Variants in RBBP6 observed in about 807,000 individuals in gnomAD.
The protein encoded by RBBP6 is E3 ubiquitin-protein ligase RBBP6.
In RBBP6, 25 loss-of-function variants were observed where a neutral mutation model predicts 167.7. The ratio of observed to expected loss-of-function variants is 0.15; its 90% CI spans 0.11 to 0.21. The LOEUF is 0.21. RBBP6 is among the 10% of genes least tolerant of loss of function. RBBP6 has a pLI of 1.00. For synonymous variants in RBBP6, 789 were observed against 735.8 expected, an observed-to-expected ratio of 1.07 and a Z score of -1.17; for missense variants, 1,868 against 2,134.2, an observed-to-expected ratio of 0.88 and a Z score of 2.46.
chr16:24,548,439 T>C (rs1426531769), intron 2 of RBBP6, among the ~76,000 whole-genome samples: 1 of 152,050 alleles, frequency 6.6e-6, no homozygotes, highest in African/African-American at 2.4e-5. Context: ...TGATTGTTGT[T>C]TTGAGACATT....
Position 24,559,652 on chromosome 16 carries a change from C to A in RBBP6, c.822C>A (p.Cys274Ter). ...DIMTDAVVIPCCGNSYCDECI... is the reference protein window; with the variant it reads ...DIMTDAVVIP ...TGACTGATGCTGTTGTGATTCCCTG[C>A]TGTGGAAACAGTTACTGTGATGAAT... is the stretch of plus-strand genomic sequence containing the variant. The change falls in exon 8 of 18, where the codon TGC becomes TGA. Residue 274 changes from cysteine (C) to a stop codon, truncating the protein, a stop_gained. Coordinates refer to ENST00000319715, the MANE Select transcript of RBBP6 (RefSeq NM_006910.5). LOFTEE classifies it high-confidence loss of function. 6.4e-7 allele frequency: 1 copy of A among 1,568,956 alleles called. No homozygotes were observed. Among genetic ancestry groups the A allele is most frequent in the Non-Finnish European group, 8.7e-7 (1 of 1,154,728 alleles).
chr16:24,572,144 A>C lies in RBBP6; in HGVS notation c.5078A>C (p.His1693Pro). ...VQVGISRNQSHSSPSVSPSRS... is the reference protein window; with the variant it reads ...VQVGISRNQSPSSPSVSPSRS... The stretch of plus-strand genomic sequence containing the variant: ...GTGGGCATAAGCAGGAATCAGAGCC[A>C]CAGCAGCCCCAGCGTCAGCCCCAGC... The change falls in exon 18 of 18, where the codon CAC (histidine) becomes CCC (proline). Residue 1693 changes from histidine to proline, a missense_variant. Coordinates refer to ENST00000319715, the MANE Select transcript of RBBP6 (RefSeq NM_006910.5). 1.9e-6 allele frequency: 3 copies of C among 1,614,166 alleles called. No individual in the cohort carries two copies. The highest frequency in any genetic ancestry group is 2.5e-6 in the Non-Finnish European group (3 of 1,180,028).
At chr16:24,552,982 C>T (rs1255708737) in intron 3 of RBBP6, 1 of 151,816 alleles carries the variant, frequency 6.6e-6, no homozygotes, top group Non-Finnish European at 1.5e-5. Context: ...TGACAAGAAG[C>T]TATTACTCTT....
rs115290176 is a variant in RBBP6, at chr16:24,565,621, C to G, written c.1589+756C>G. ...CACGCTTCTTAGGAGAATCTAATGC[C>G]TGATCATCTAAGGTGGAACAGTTTT... On this transcript the variant is annotated intron_variant, in intron 14 of 17. Transcript: ENST00000319715. Among the ~76,000 whole-genome samples the G allele has an allele frequency of 9.0e-3, 1,370 of 152,308 alleles. 22 individuals carry two copies. The highest frequency in any genetic ancestry group is 0.031 in the African/African-American group (1,304 of 41,562).
Position 24,569,219 on chromosome 16 carries a change from A to C in RBBP6, c.2529A>C (p.Lys843Asn), listed in dbSNP as rs1259888861. 1 of 1,613,798 alleles carries C rather than the reference A, an allele frequency of 6.2e-7. No homozygotes were observed. The highest frequency in any genetic ancestry group is 1.7e-5 in the Admixed American group (1 of 59,918). ...GAGAGTGGTATGAAAAATATTATAA[A>C]GGTTATGCTGCTGGAGCACAGCCTA... ...KYREWYEKYY[K>N]GYAAGAQPRP... The change falls in exon 17 of 18, where the codon AAA (lysine) becomes AAC (asparagine). Residue 843 changes from lysine to asparagine, a missense_variant. This residue lies in a region of RBBP6 where 673 missense variants were observed against 691.5 expected (regional missense o/e 0.97). Transcript: ENST00000319715.
rs761420212 is a variant in RBBP6 at position 24,563,434 on chromosome 16, G to A, written c.1398G>A (p.Val466=). The A allele has an allele frequency of 1.5e-5, 24 of 1,606,638 alleles. No individual in the cohort carries two copies. The highest frequency in any genetic ancestry group is 2.0e-5 in the Non-Finnish European group (24 of 1,178,322). The change falls in exon 12 of 18, where the codon GTG becomes GTA. Residue 466 remains valine, a synonymous_variant. Transcript: ENST00000319715. The part of the protein sequence containing the change: ...TALMEEKGYQ[V]PVLGTPSLLG... The stretch of plus-strand genomic sequence containing the variant: ...GGTTGTTTCTAAAGGGTTACCAGGT[G>A]CCTGTTCTTGGAACCCCATCTTTGC...
In RBBP6 at chr16:24,571,482, CAAAA is replaced by C; in HGVS notation, c.4420_4423del (p.Lys1474LeufsTer20). 1 of 1,611,078 alleles carries C rather than the reference CAAAA, an allele frequency of 6.2e-7. No individual in the cohort carries two copies. The highest frequency in any genetic ancestry group is 8.5e-7 in the Non-Finnish European group (1 of 1,179,338). ...ATAAAGACTTCACTCCCAATAGAGA[CAAAA>C]AAACTGACTATGACACCAGAGAGTA... On this transcript the variant is annotated frameshift_variant, in exon 18 of 18. Transcript: ENST00000319715. LOFTEE classifies it high-confidence loss of function.
In RBBP6 at chr16:24,570,327, A is replaced by C; in HGVS notation, c.3637A>C (p.Arg1213=). 6.2e-7 allele frequency: 1 copy of C among 1,611,930 alleles called. No individual in the cohort carries two copies. The highest frequency in any genetic ancestry group is 1.1e-5 in the South Asian group (1 of 90,350). Residue 1213 remains arginine (R), a synonymous_variant, in exon 17 of 18, where the codon AGA becomes CGA. Transcript: ENST00000319715. ...SAPAKKIKLN[R]ETGKKIGSTE... ...GCCAGCCAAAAAAATCAAACTCAAC[A>C]GAGAAACTGGGAAGAAAATTGGAAG...
In RBBP6 at chr16:24,546,383, C is replaced by G. The variant is rs1898651135; in HGVS notation, c.266+121C>G. 4 of 1,168,294 alleles carry G rather than the reference C, an allele frequency of 3.4e-6. No individual in the cohort carries two copies. The African/African-American group carries it at 4.8e-5, about 14-fold the overall frequency. The allele number at this position is 1,168,294 out of a possible 1,614,324, so 72.4% of individuals were successfully genotyped here. ...TTTAACCTTAATGAATACATCTTCT[C>G]AAGACTGTGAGGATAGTAGGTTTCT... On this transcript the variant is annotated intron_variant, in intron 2 of 17. Coordinates refer to ENST00000319715, the MANE Select transcript of RBBP6 (RefSeq NM_006910.5).
chr16:24,561,950 T>C lies in RBBP6; in HGVS notation c.1078T>C (p.Ser360Pro), dbSNP rs897398190. The C allele has an allele frequency of 1.9e-6, 3 of 1,613,492 alleles. No individual in the cohort carries two copies. The highest frequency in any genetic ancestry group is 2.5e-6 in the Non-Finnish European group (3 of 1,179,682). Reference sequence around the variant, plus strand: ...GAGGAACCTACAACCTCTGATGAGATCTCCGATATCAAGACAACAAGATCC... The same window carrying C: ...GAGGAACCTACAACCTCTGATGAGACCTCCGATATCAAGACAACAAGATCC... ...IQRNLQPLMRSPISRQQDPLM... is the reference protein window; with the variant it reads ...IQRNLQPLMRPPISRQQDPLM... The change falls in exon 10 of 18, where the codon TCT becomes CCT. Residue 360 changes from serine (S) to proline (P), a missense_variant. By Grantham distance (74) the Ser-to-Pro change is moderately conservative. Around this residue, in one of 7 missense-constraint regions of RBBP6, gnomAD observed 245 missense variants for 240.1 expected, o/e 1.02. Coordinates refer to ENST00000319715, the MANE Select transcript of RBBP6 (RefSeq NM_006910.5).
At position 24,540,337 on chromosome 16, in the gene RBBP6, G is replaced by T; in HGVS notation, c.-290G>T. The T allele has an allele frequency of 3.4e-6, 1 of 296,428 alleles. No individual in the cohort carries two copies. The highest frequency in any genetic ancestry group is 6.4e-6 in the Non-Finnish European group (1 of 156,558). 18.4% of individuals were successfully genotyped at this position (296,428 alleles called of 1,614,324 possible). On this transcript the variant is annotated 5_prime_UTR_variant, in exon 1 of 18. Transcript: ENST00000319715. ...CTGCCGGCCCCTTAGCATGAGCGAGGGGGACCCAGCCGGGTGACATTGTGC... is the reference window on the plus strand; with the variant it reads ...CTGCCGGCCCCTTAGCATGAGCGAGTGGGACCCAGCCGGGTGACATTGTGC...
intron 1 of RBBP6, among the ~76,000 whole-genome samples, chr16:24,544,616 G>C (rs1033901586): frequency 6.6e-6 from 1 of 152,298 alleles, no homozygotes; most frequent in East Asian, 1.9e-4. Context: ...AGGCCTGGTT[G>C]TGTGATTAAA....
At chr16:24,558,376 C>CT (rs1239952326) in intron 7 of RBBP6, 5 of 698,392 alleles carry the variant, frequency 7.2e-6, no homozygotes, top group Non-Finnish European at 8.8e-6. Flanking sequence ...CTGTTCTCCT[C>CT]TTTTTTTCTT....
Position 24,570,247 on chromosome 16 carries a change from C to A in RBBP6, c.3557C>A (p.Pro1186His), listed in dbSNP as rs1038071719. The A allele has an allele frequency of 5.0e-6, 8 of 1,612,566 alleles. No individual in the cohort carries two copies. Among genetic ancestry groups the A allele is most frequent in the Non-Finnish European group, 6.8e-6 (8 of 1,179,754 alleles). ...VKPSPKRKME[P>H]DTEKMDRTPE... ...CCATCACCAAAGCGCAAAATGGAAC[C>A]TGATACTGAAAAAATGGATAGGACC... The change falls in exon 17 of 18, where the codon CCT (proline) becomes CAT (histidine). Residue 1186 changes from proline to histidine, a missense_variant. Pro to His is a moderately conservative substitution (Grantham distance 77). Transcript: ENST00000319715.
chr16:24,562,066 G>C lies in RBBP6; in HGVS notation c.1194G>C (p.Val398=), dbSNP rs1217383508. The C allele has an allele frequency of 3.1e-6, 5 of 1,613,284 alleles. No individual in the cohort carries two copies. The highest frequency in any genetic ancestry group is 4.2e-6 in the Non-Finnish European group (5 of 1,179,344). The part of the protein sequence containing the change: ...TSNQSSLAPP[V]SGNPSSAPAP... ...ATCAGTCTTCCTTGGCCCCTCCTGTGTCTGGAAATCCGTCTTCTGCTCCAG... is the reference window on the plus strand; with the variant it reads ...ATCAGTCTTCCTTGGCCCCTCCTGTCTCTGGAAATCCGTCTTCTGCTCCAG... Residue 398 remains valine (V), a synonymous_variant, in exon 10 of 18, where the codon GTG becomes GTC. Transcript: ENST00000319715.
At chr16:24,541,034 T>G (rs537367535) in intron 1 of RBBP6, among the ~76,000 whole-genome samples, 9 of 152,132 alleles carry the variant, frequency 5.9e-5, no homozygotes, top group South Asian at 2.1e-4. Flanking sequence ...GAAGCCTGAT[T>G]ATTCTTCTCG....
Position 24,569,890 on chromosome 16 carries a change from C to T in RBBP6, c.3200C>T (p.Pro1067Leu), listed in dbSNP as rs1458495210. The T allele has an allele frequency of 8.1e-6, 13 of 1,610,592 alleles. No homozygotes were observed. Among genetic ancestry groups the T allele is most frequent in the African/African-American group, 4.0e-5 (3 of 74,444 alleles). Residue 1067 changes from proline to leucine, a missense_variant, in exon 17 of 18, where the codon CCG becomes CTG. Physicochemically the swap from Pro to Leu is moderately conservative, Grantham distance 98. This residue lies in a region of RBBP6 where 673 missense variants were observed against 691.5 expected (regional missense o/e 0.97). Transcript: ENST00000319715. The stretch of plus-strand genomic sequence containing the variant: ...ATTAAAAAAGCCAAAGAGGAGACTC[C>T]GAAGACTGACAATACTAAATCATCA... Reference protein sequence around the residue: ...PPIKKAKEETPKTDNTKSSSS... With the variant: ...PPIKKAKEETLKTDNTKSSSS...
Position 24,562,052 on chromosome 16 carries a change from T to C in RBBP6, c.1180T>C (p.Leu394=). The part of the protein sequence containing the change: ...ISSLTSNQSS[L]APPVSGNPSS... ...TTCATTAACTTCTAATCAGTCTTCC[T>C]TGGCCCCTCCTGTGTCTGGAAATCC... The change falls in exon 10 of 18, where the codon TTG becomes CTG. Residue 394 remains leucine (L), a synonymous_variant. Transcript: ENST00000319715. 1 of 1,612,886 alleles carries C rather than the reference T, an allele frequency of 6.2e-7. No homozygotes were observed. Among genetic ancestry groups the C allele is most frequent in the Admixed American group, 1.7e-5 (1 of 60,032 alleles).
intron 3 of RBBP6, among the ~76,000 whole-genome samples, chr16:24,552,668 C>G (rs72785706): frequency 0.082 from 12,518 of 151,832 alleles, 636 homozygotes; most frequent in Non-Finnish European, 0.11. Flanking sequence ...GTGGCTCTCT[C>G]CTGACTCCAT....
Sources: allele counts gnomAD v4.1 joint callset (sites outside exome capture counted in the v4.1 genomes callset), GRCh38; gene constraint gnomAD v4.1.1; regional missense constraint gnomAD v4.1.1; transcripts MANE v1.5; gene names NCBI Gene and HGNC (gene_info 2026-07-23, HGNC 2026-07-21).